ENOX2: variants seen among roughly 807,000 people sequenced by gnomAD.
ENOX2 encodes the protein ecto-NOX disulfide-thiol exchanger 2.
ENOX2 carries 36 observed loss-of-function variants against 45.0 expected under a neutral mutation model. The observed-to-expected ratio is 0.80, with a 90% CI of 0.61 to 1.06. ENOX2 has a LOEUF of 1.06. ENOX2 is among the 50% of genes least tolerant of loss of function. The pLI is 0.00. For missense variants in ENOX2, 423 were observed against 462.5 expected, an observed-to-expected ratio of 0.91 and a Z score of 0.78; for synonymous variants, 174 against 152.3, an observed-to-expected ratio of 1.14 and a Z score of -1.05.
chrX:130,876,176 C>T (rs1405074432), intron 2 of ENOX2, among the ~76,000 whole-genome samples: 1 of 111,958 alleles, frequency 8.9e-6, no homozygotes, highest in Non-Finnish European at 1.9e-5. Flanking sequence ...AGCAGCATTA[C>T]TGACAATAGC....
intron 2 of ENOX2, among the ~76,000 whole-genome samples, chrX:130,875,409 A>C (rs2078678891): frequency 9.0e-6 from 1 of 111,403 alleles, no homozygotes; most frequent in Non-Finnish European, 1.9e-5. Flanking sequence ...TGGTACTGAC[A>C]TAAGGGCAGG....
At chrX:130,871,885 CATT>C (rs1180356084) in intron 2 of ENOX2, among the ~76,000 whole-genome samples, 3 of 111,640 alleles carry the variant, frequency 2.7e-5, no homozygotes, top group Non-Finnish European at 5.7e-5. Flanking sequence ...CACCATGAGA[CATT>C]ATATCTTAAA....
At chrX:130,634,023 C>A (rs1157901803) in intron 12 of ENOX2, among the ~76,000 whole-genome samples, 1 of 112,185 alleles carries the variant, frequency 8.9e-6, no homozygotes, top group East Asian at 2.8e-4. Flanking sequence ...CACTTTCAAT[C>A]ATTTGTTTCA....
In ENOX2 at chrX:130,883,035, T is replaced by C. The variant is rs966272389; in HGVS notation, c.-183+18649A>G. ...ATTGCTGTGAGCGTTGATGAGTTCA[T>C]ACATATAAGGTATTTATAACATGAT... On this transcript the variant is annotated intron_variant, in intron 2 of 14. Transcript: ENST00000394363. Among the ~76,000 whole-genome samples the C allele has an allele frequency of 4.4e-5, 5 of 112,681 alleles. No individual in the cohort carries two copies. In the South Asian group the frequency reaches 1.8e-3, roughly 41 times the overall value.
At chrX:130,847,770 T>C (rs1016765591) in intron 2 of ENOX2, among the ~76,000 whole-genome samples, 16 of 112,640 alleles carry the variant, frequency 1.4e-4, no homozygotes, top group Non-Finnish European at 2.8e-4. Context: ...TTGTACATTA[T>C]ATAATGTTCA....
chrX:130,686,982 T>C (rs981652866), intron 5 of ENOX2, among the ~76,000 whole-genome samples: 12 of 111,750 alleles, frequency 1.1e-4, no homozygotes, highest in African/African-American at 3.9e-4. Flanking sequence ...GGAGATATGC[T>C]GCCCTCTCAC....
At chrX:130,793,692 T>G (rs1264308292) in intron 2 of ENOX2, among the ~76,000 whole-genome samples, 1 of 111,814 alleles carries the variant, frequency 8.9e-6, no homozygotes, top group Non-Finnish European at 1.9e-5. Context: ...CCAGGCCTGG[T>G]AAAGGGTGAA....
At chrX:130,813,570 TGGTTAGACAGTGG>T (rs1226948225) in intron 2 of ENOX2, among the ~76,000 whole-genome samples, 1 of 111,592 alleles carries the variant, frequency 9.0e-6, no homozygotes, top group African/African-American at 3.3e-5. Flanking sequence ...TCACTGGGAC[TGGTTAGACAGTGG>T]GCACAGCCCA....
chrX:130,675,424 TC>T (rs1357565043), intron 6 of ENOX2, among the ~76,000 whole-genome samples: 1 of 112,688 alleles, frequency 8.9e-6, no homozygotes, highest in Non-Finnish European at 1.9e-5. Flanking sequence ...ACATCACATT[TC>T]TTGTTGGATA....
chrX:130,683,898 C>T (rs1486194477), intron 5 of ENOX2, among the ~76,000 whole-genome samples: 1 of 111,974 alleles, frequency 8.9e-6, no homozygotes, highest in African/African-American at 3.2e-5. Flanking sequence ...ACTTGGTCTG[C>T]TCCAGTCTAG....
At chrX:130,656,781 ATT>A in intron 9 of ENOX2, 86 bp from the exon 10 acceptor site, 1 of 546,630 alleles carries the variant, frequency 1.8e-6, no homozygotes, top group East Asian at 3.6e-5. Context: ...ATAAAGCAGC[ATT>A]TTTTTTTGAC....
chrX:130,627,951 C>T lies in ENOX2; in HGVS notation c.1614+7G>A, dbSNP rs370360757. The T allele has an allele frequency of 4.1e-5, 48 of 1,181,302 alleles. No homozygotes were observed. Among genetic ancestry groups the T allele is most frequent in the Non-Finnish European group, 5.4e-5 (47 of 869,409 alleles). ...CCCTTGCATCCCCATTTTAGGCCCC[C>T]ATATACCTTATTATCAAGACGGTGC... On this transcript the variant is annotated splice_region_variant and intron_variant, in intron 14 of 14. Transcript: ENST00000394363.
chrX:130,715,509 T>C (rs1056814299), intron 3 of ENOX2, among the ~76,000 whole-genome samples: 12 of 111,072 alleles, frequency 1.1e-4, no homozygotes, highest in Admixed American at 3.8e-4. Context: ...CAAAAGACAA[T>C]AGACTTTATT....
At chrX:130,817,755 T>C (rs750266705) in intron 2 of ENOX2, among the ~76,000 whole-genome samples, 5 of 112,299 alleles carry the variant, frequency 4.5e-5, no homozygotes, top group Non-Finnish European at 9.4e-5. Context: ...TAGGTATTGA[T>C]GGAACATATT....
intron 3 of ENOX2, chrX:130,709,413 T>A: frequency 1.6e-6 from 1 of 629,364 alleles, no homozygotes; most frequent in Non-Finnish European, 2.6e-6. Context: ...CGGAGGTGGG[T>A]GGATCATTTG....
At chrX:130,632,939 G>A (rs994421445) in intron 12 of ENOX2, among the ~76,000 whole-genome samples, 13 of 111,930 alleles carry the variant, frequency 1.2e-4, no homozygotes, top group South Asian at 3.8e-4. Flanking sequence ...TAAATGATAC[G>A]GTAAGCCGTT....
intron 3 of ENOX2, among the ~76,000 whole-genome samples, chrX:130,763,942 G>C (rs185584836): frequency 9.0e-6 from 1 of 110,792 alleles, no homozygotes; most frequent in African/African-American, 3.3e-5. Context: ...TTGTTACTAG[G>C]CTTCCTAGTC....
At chrX:130,864,342 C>T (rs1444217919) in intron 2 of ENOX2, among the ~76,000 whole-genome samples, 3 of 110,561 alleles carry the variant, frequency 2.7e-5, no homozygotes, top group Non-Finnish European at 5.7e-5. Flanking sequence ...AAGAACCACC[C>T]GAGCTTGAAA....
At chrX:130,780,638 G>A (rs1374888871) in intron 3 of ENOX2, among the ~76,000 whole-genome samples, 1 of 111,733 alleles carries the variant, frequency 8.9e-6, no homozygotes, top group Non-Finnish European at 1.9e-5. Context: ...GTTCAAGGTG[G>A]TTGCGACCTG....
Sources: allele counts gnomAD v4.1 joint callset (sites outside exome capture counted in the v4.1 genomes callset), GRCh38; gene constraint gnomAD v4.1.1; transcripts MANE v1.5; gene names NCBI Gene and HGNC (gene_info 2026-07-23, HGNC 2026-07-21).